TET1: variants seen among roughly 807,000 people sequenced by gnomAD.
The protein encoded by TET1 is methylcytosine dioxygenase TET1.
In TET1, 13 loss-of-function variants were observed where a neutral mutation model predicts 148.7. The observed-to-expected ratio is 0.09, with a 90% confidence interval of 0.06 to 0.14. The LOEUF is 0.14. Ranked by LOEUF, TET1 falls within the 10% of genes least tolerant of loss-of-function variation. The pLI, the probability that TET1 is intolerant of heterozygous loss-of-function variation, is 1.00. For synonymous variants in TET1, 907 were observed against 937.2 expected (o/e 0.97, Z 0.59); for missense variants, 2,182 against 2,553.8 (o/e 0.85, Z 3.14).
Position 68,584,578 on chromosome 10 carries a change from AT to A in TET1, c.1914+10327del, listed in dbSNP as rs1456314543. ...GCAAAAATTAGCCAGGCGTGGTGGC[AT>A]GCACCTGTAATCCCAGCTATGAGGG... On this transcript the variant is annotated intron_variant, in intron 2 of 11. Transcript: ENST00000373644. 3.6e-3 allele frequency among the ~76,000 whole-genome samples: 542 copies of A among 149,906 alleles called. 2 individuals carry two copies. Among genetic ancestry groups the A allele is most frequent in the African/African-American group, 0.013 (525 of 40,990 alleles).
chr10:68,614,317 G>A (rs938798761), intron 3 of TET1, among the ~76,000 whole-genome samples: 1 of 152,026 alleles, frequency 6.6e-6, no homozygotes, highest in Non-Finnish European at 1.5e-5. Flanking sequence ...AATTTCTAGG[G>A]GGAAATACTG....
At chr10:68,561,623 G>T (rs1341886441) in intron 1 of TET1, among the ~76,000 whole-genome samples, 1 of 151,974 alleles carries the variant, frequency 6.6e-6, no homozygotes, top group Non-Finnish European at 1.5e-5. Flanking sequence ...CCTCGCTCTC[G>T]GGCGAGGAGG....
At chr10:68,664,421 T>TA (rs964983968) in intron 6 of TET1, among the ~76,000 whole-genome samples, 7 of 151,660 alleles carry the variant, frequency 4.6e-5, no homozygotes, top group Admixed American at 2.0e-4. Flanking sequence ...TTATTTTTTT[T>TA]AATTTTTTTG....
chr10:68,652,912 G>T (rs1238693144), intron 6 of TET1, among the ~76,000 whole-genome samples: 2 of 139,054 alleles, frequency 1.4e-5, no homozygotes, highest in African/African-American at 5.4e-5. Flanking sequence ...GTCCCCTAAA[G>T]TGCTGGGATT....
chr10:68,681,542 C>A, intron 9 of TET1, 54 bp downstream of exon 9: 1 of 1,261,404 alleles, frequency 7.9e-7, no homozygotes. Context: ...TGGGGTCTTG[C>A]TTTGTTGCCC....
At chr10:68,654,560 T>G (rs2054994238) in intron 6 of TET1, among the ~76,000 whole-genome samples, 2 of 152,114 alleles carry the variant, frequency 1.3e-5, no homozygotes, top group African/African-American at 4.8e-5. Context: ...GAGGTTGCAG[T>G]GGGCCTAGAT....
chr10:68,580,548 G>C (rs926461903), intron 2 of TET1, among the ~76,000 whole-genome samples: 2 of 150,290 alleles, frequency 1.3e-5, no homozygotes, highest in Non-Finnish European at 3.0e-5. Flanking sequence ...GGGAGGCCAA[G>C]GAAGGTAGAT....
intron 11 of TET1, among the ~76,000 whole-genome samples, chr10:68,689,854 G>T (rs1411599156): frequency 2.0e-5 from 3 of 152,110 alleles, no homozygotes; most frequent in African/African-American, 7.2e-5. Context: ...GATTTATGTG[G>T]ATGTGTCAGA....
rs944277804 is a variant in TET1, at chr10:68,632,782, T to C, written c.1969-11916T>C. On this transcript the variant is annotated intron_variant, in intron 3 of 11. Coordinates refer to ENST00000373644, the MANE Select transcript of TET1 (RefSeq NM_030625.3). ...GTAAACGAAGTTAAGATCAACCACA[T>C]AAAACATTTCATGTGCAATAAGCTC... The C allele has an allele frequency of 1.1e-5, 14 of 1,323,600 alleles. No homozygotes were observed. In the African/African-American group the frequency reaches 2.2e-4, roughly 21 times the overall value. The allele number at this position is 1,323,600 out of a possible 1,614,324, so 82.0% of individuals were successfully genotyped here.
intron 2 of TET1, among the ~76,000 whole-genome samples, chr10:68,586,344 A>C (rs1379399831): frequency 6.6e-6 from 1 of 152,010 alleles, no homozygotes; most frequent in African/African-American, 2.4e-5. Context: ...CTCCCAGCTA[A>C]TTTTTGTATT....
At chr10:68,656,964 TG>T (rs2055031295) in intron 6 of TET1, among the ~76,000 whole-genome samples, 1 of 150,352 alleles carries the variant, frequency 6.7e-6, no homozygotes, top group Non-Finnish European at 1.5e-5. Context: ...AGGCGGAGGT[TG>T]CCGTCAGCCA....
intron 2 of TET1, among the ~76,000 whole-genome samples, chr10:68,576,828 C>T (rs958230003): frequency 2.6e-5 from 4 of 152,066 alleles, no homozygotes; most frequent in Admixed American, 6.6e-5. Context: ...CAACTTCTCC[C>T]TCCCAAGTTC....
chr10:68,560,940 G>A (rs1274992484), intron 1 of TET1, among the ~76,000 whole-genome samples, 198 bp downstream of exon 1: 1 of 152,200 alleles, frequency 6.6e-6, no homozygotes, highest in Non-Finnish European at 1.5e-5. Context: ...GGACGCTTTT[G>A]TTGCCGGAGA....
At position 68,654,106 on chromosome 10, in the gene TET1, CAAAAAAAAAA is replaced by C. The variant is rs66890965; in HGVS notation, c.4461+1522_4461+1531del. ...TGGGCAACAAGAGCAAAAATGTCTC[CAAAAAAAAAA>C]AAAAAAAAAGCATGGATTGTCAGGG... On this transcript the variant is annotated intron_variant, in intron 6 of 11. Transcript: ENST00000373644. Among the ~76,000 whole-genome samples, 22 of 85,006 alleles carry C rather than the reference CAAAAAAAAAA, an allele frequency of 2.6e-4. 1 individual carries two copies. The Admixed American group carries it at 3.2e-3, about 12-fold the overall frequency. The allele number at this position is 85,006 out of a possible 152,430, so 55.8% of individuals were successfully genotyped here.
In TET1 at chr10:68,694,117, C is replaced by T. The variant is rs930752363; in HGVS notation, c.*2303C>T. On this transcript the variant is annotated 3_prime_UTR_variant, in exon 12 of 12. Transcript: ENST00000373644. The stretch of plus-strand genomic sequence containing the variant: ...TCAATAGGTTTCTTAACAATCTAAA[C>T]TTGAAACATCAATGTTAATTTTTGG... The T allele has an allele frequency of 2.6e-5, 6 of 232,346 alleles. No individual in the cohort carries two copies. Among genetic ancestry groups the T allele is most frequent in the Non-Finnish European group, 1.7e-5 (2 of 117,624 alleles). The allele number at this position is 232,346 out of a possible 1,614,324, so 14.4% of individuals were successfully genotyped here.
Position 68,589,766 on chromosome 10 carries a change from G to A in TET1, c.1915-11215G>A, listed in dbSNP as rs148387758. Among the ~76,000 whole-genome samples the A allele has an allele frequency of 2.3e-4, 35 of 150,260 alleles. No homozygotes were observed. The East Asian group carries it at 6.7e-3, about 29-fold the overall frequency. On this transcript the variant is annotated intron_variant, in intron 2 of 11. Transcript: ENST00000373644. The stretch of plus-strand genomic sequence containing the variant: ...AGCTCACTACAACCTCTGCCTCTTG[G>A]GTTCAAGCAATTCTCATGCCTCTAC...
chr10:68,640,817 C>G (rs984582498), intron 3 of TET1, among the ~76,000 whole-genome samples: 9 of 151,680 alleles, frequency 5.9e-5, no homozygotes, highest in African/African-American at 1.9e-4. Flanking sequence ...TCCCAAAGTG[C>G]TGGGATTACA....
chr10:68,585,397 G>A (rs555633359), intron 2 of TET1, among the ~76,000 whole-genome samples: 11 of 152,172 alleles, frequency 7.2e-5, no homozygotes, highest in East Asian at 1.9e-4. Context: ...GCTTCCCAAC[G>A]TGCTGGGATT....
At chr10:68,566,047 T>C (rs2053604541) in intron 1 of TET1, among the ~76,000 whole-genome samples, 1 of 152,190 alleles carries the variant, frequency 6.6e-6, no homozygotes, top group African/African-American at 2.4e-5. Flanking sequence ...ATTATCTTAA[T>C]TACAAGTCTG....
Sources: gnomAD v4.1 joint callset for allele counts (sites outside exome capture counted in the v4.1 genomes callset) on GRCh38, gnomAD v4.1.1 for gene constraint, MANE v1.5 for transcripts, NCBI Gene and HGNC (gene_info 2026-07-23, HGNC 2026-07-21) for gene names.